PTPRG: variants seen among roughly 807,000 people sequenced by gnomAD.
PTPRG encodes the protein receptor-type tyrosine-protein phosphatase gamma.
PTPRG carries 102 observed loss-of-function variants against 165.3 expected under a neutral mutation model. The ratio of observed to expected loss-of-function variants is 0.62; its 90% CI spans 0.53 to 0.73. The LOEUF (loss-of-function observed/expected upper bound fraction) is 0.73. PTPRG is among the 30% of genes least tolerant of loss of function. The probability of loss-of-function intolerance (pLI) is 0.00; values close to 1 mark genes in which losing one functional copy is unlikely to be tolerated. For synonymous variants in PTPRG, 675 were observed against 669.5 expected (o/e 1.01, Z -0.13); for missense variants, 1,866 against 1,861.4 (o/e 1.00, Z -0.05).
intron 17 of PTPRG, among the ~76,000 whole-genome samples, chr3:62,265,896 T>TACACACACACGCACACACACACACAC (rs1701855979): frequency 7.7e-6 from 1 of 130,528 alleles, no homozygotes; most frequent in African/African-American, 2.9e-5. Flanking sequence ...GTGCCTTATA[T>TACACACACACGCACACACACACACAC]ACACACACAC....
intron 7 of PTPRG, among the ~76,000 whole-genome samples, chr3:62,167,405 A>G (rs1705032461): frequency 6.6e-6 from 1 of 152,222 alleles, no homozygotes; most frequent in Non-Finnish European, 1.5e-5. Context: ...ATGATATACT[A>G]GGAACTGTTT....
intron 2 of PTPRG, among the ~76,000 whole-genome samples, chr3:61,835,594 A>G (rs2036433367): frequency 6.6e-6 from 1 of 151,838 alleles, no homozygotes; most frequent in South Asian, 2.1e-4. Context: ...AGCCTCCCAA[A>G]GTGCTGGGAT....
At chr3:62,279,539 C>G (rs1702355443) in intron 26 of PTPRG, among the ~76,000 whole-genome samples, 1 of 152,000 alleles carries the variant, frequency 6.6e-6, no homozygotes, top group African/African-American at 2.4e-5. Context: ...CTCATAAATC[C>G]TATGCTTAAT....
chr3:62,044,030 T>C (rs1454098828), intron 4 of PTPRG, among the ~76,000 whole-genome samples: 9 of 152,216 alleles, frequency 5.9e-5, no homozygotes, highest in Admixed American at 5.9e-4. Flanking sequence ...CCAATGATAA[T>C]GGAGTCAGCA....
intron 10 of PTPRG, among the ~76,000 whole-genome samples, chr3:62,200,804 A>C (rs1700080757): frequency 6.6e-6 from 1 of 152,216 alleles, no homozygotes; most frequent in Non-Finnish European, 1.5e-5. Flanking sequence ...AACAGTACAC[A>C]AAAGGTAAGG....
chr3:62,018,614 G>A (rs1243152876), intron 4 of PTPRG, among the ~76,000 whole-genome samples: 3 of 152,198 alleles, frequency 2.0e-5, no homozygotes, highest in African/African-American at 7.2e-5. Context: ...TCTAAGGAAA[G>A]AGCAAAATGT....
intron 1 of PTPRG, among the ~76,000 whole-genome samples, chr3:61,612,432 G>A (rs1313792302): frequency 1.3e-5 from 2 of 152,204 alleles, no homozygotes; most frequent in Non-Finnish European, 2.9e-5. Context: ...AGATGCACAT[G>A]TGCCTCCAGT....
At chr3:61,984,890 T>G (rs550127883) in intron 2 of PTPRG, among the ~76,000 whole-genome samples, 2 of 152,222 alleles carry the variant, frequency 1.3e-5, no homozygotes, top group South Asian at 4.1e-4. Context: ...TGTTTGTCAA[T>G]TATATAGAAT....
intron 2 of PTPRG, among the ~76,000 whole-genome samples, chr3:61,971,207 C>T (rs1420206057): frequency 6.6e-6 from 1 of 152,134 alleles, no homozygotes; most frequent in Non-Finnish European, 1.5e-5. Context: ...ATCTGCCAAC[C>T]ATGTCCGGCT....
chr3:62,050,406 G>A (rs1040559088), intron 4 of PTPRG, among the ~76,000 whole-genome samples: 1 of 152,194 alleles, frequency 6.6e-6, no homozygotes. Flanking sequence ...TAGCCAAGGT[G>A]TATAGCAGGC....
At chr3:61,959,907 G>A (rs1388919720) in intron 2 of PTPRG, among the ~76,000 whole-genome samples, 3 of 152,050 alleles carry the variant, frequency 2.0e-5, no homozygotes, top group Non-Finnish European at 4.4e-5. Flanking sequence ...CTTGGGCTGA[G>A]CTCTGTCCTG....
intron 5 of PTPRG, among the ~76,000 whole-genome samples, chr3:62,092,457 A>T (rs1320587902): frequency 6.8e-6 from 1 of 146,792 alleles, no homozygotes; most frequent in Non-Finnish European, 1.5e-5. Context: ...AAAAAAAAAA[A>T]AAGAAAAAGA....
At chr3:61,908,627 T>G (rs2038719165) in intron 2 of PTPRG, among the ~76,000 whole-genome samples, 2 of 152,110 alleles carry the variant, frequency 1.3e-5, no homozygotes, top group Admixed American at 6.5e-5. Context: ...GCTTCTGTGT[T>G]TCTCCTCTGC....
intron 1 of PTPRG, among the ~76,000 whole-genome samples, chr3:61,702,112 A>G (rs946902395): frequency 2.0e-5 from 3 of 152,038 alleles, no homozygotes; most frequent in Non-Finnish European, 4.4e-5. Context: ...TGGGGTAGCT[A>G]GGAGTATAGG....
At chr3:61,887,170 A>ATG (rs60282456) in intron 2 of PTPRG, among the ~76,000 whole-genome samples, 2 of 115,524 alleles carry the variant, frequency 1.7e-5, no homozygotes, top group African/African-American at 3.3e-5. Flanking sequence ...ATATATATAT[A>ATG]TTTTTAATGC....
chr3:61,859,815 T>C (rs1421448778), intron 2 of PTPRG, among the ~76,000 whole-genome samples: 1 of 152,170 alleles, frequency 6.6e-6, no homozygotes, highest in Non-Finnish European at 1.5e-5. Context: ...ACATTTAAAC[T>C]GTGTGGTAAT....
chr3:62,219,071 A>C lies in PTPRG; in HGVS notation c.2288+88A>C, dbSNP rs1361908081. The C allele has an allele frequency of 2.0e-6, 3 of 1,514,436 alleles. No homozygotes were observed. Among genetic ancestry groups the C allele is most frequent in the Non-Finnish European group, 2.7e-6 (3 of 1,116,918 alleles). The allele number at this position is 1,514,436 out of a possible 1,614,324, so 93.8% of individuals were successfully genotyped here. On this transcript the variant is annotated intron_variant, in intron 13 of 29. Coordinates refer to ENST00000474889, the MANE Select transcript of PTPRG (RefSeq NM_002841.4). This position sits in a 1 kb window ranked among gnomAD's most constrained non-coding sequence, Gnocchi z 4.5. ...GGGAGGGGAATCCCACGGCCTCTGC[A>C]TTCAGGAAGGTGAGGTAGCTTAAGT... is the stretch of plus-strand genomic sequence containing the variant.
chr3:61,685,678 C>A (rs1241512889), intron 1 of PTPRG, among the ~76,000 whole-genome samples: 1 of 152,158 alleles, frequency 6.6e-6, no homozygotes. Flanking sequence ...CAAGTTGTAC[C>A]CCTGCTAGGG....
chr3:62,113,038 A>G (rs1702726758), intron 5 of PTPRG, among the ~76,000 whole-genome samples: 1 of 152,218 alleles, frequency 6.6e-6, no homozygotes, highest in African/African-American at 2.4e-5. Context: ...AAAATGATTC[A>G]TGTCTGAGAG....
Sources: gnomAD v4.1 joint callset for allele counts (sites outside exome capture counted in the v4.1 genomes callset) on GRCh38, gnomAD v4.1.1 for gene constraint, Gnocchi (gnomAD v3.1) non-coding constraint, MANE v1.5 for transcripts, NCBI Gene and HGNC (gene_info 2026-07-23, HGNC 2026-07-21) for gene names.